The following RANBP17 variants were observed in gnomAD, a reference collection of about 807,000 sequenced individuals.
The protein encoded by RANBP17 is RAN binding protein 17.
A neutral mutation model predicts 141.2 loss-of-function variants in RANBP17; 158 were observed. The ratio of observed to expected loss-of-function variants is 1.12; its 90% confidence interval spans 0.98 to 1.28. The LOEUF (loss-of-function observed/expected upper bound fraction) is 1.28, where lower values mean the gene tolerates loss of function less well. Among genes scored for constraint, RANBP17 ranks in the 50% most tolerant of loss-of-function variants. The pLI, the probability that RANBP17 is intolerant of heterozygous loss-of-function variation, is 0.00. For synonymous variants in RANBP17, 430 were observed against 450.0 expected (o/e 0.96, Z 0.56); for missense variants, 1,438 against 1,290.7 (o/e 1.11, Z -1.75).
In RANBP17 at chr5:171,274,155, CGCGCGCGCGT is replaced by C. The variant is rs925735666; in HGVS notation, c.2943+8313_2943+8322del. 1.2e-3 allele frequency among the ~76,000 whole-genome samples: 175 copies of C among 144,426 alleles called. 2 individuals carry two copies. Among genetic ancestry groups the C allele is most frequent in the South Asian group, 6.4e-3 (28 of 4,394 alleles). 94.7% of individuals were successfully genotyped at this position (144,426 alleles called of 152,430 possible). Reference sequence around the variant, plus strand: ...GTGTGTGTGTGTGTGTGTGTGCGCGCGCGCGCGCGTGCGCAAAATCTAACTACTGAGGATC... The same window carrying C: ...GTGTGTGTGTGTGTGTGTGTGCGCGCGCGCAAAATCTAACTACTGAGGATC... On this transcript the variant is annotated intron_variant, in intron 25 of 27. Transcript: ENST00000523189.
chr5:171,155,094 A>AATATATATATATATATATATAT (rs1554106866), intron 14 of RANBP17, among the ~76,000 whole-genome samples: 1 of 74,964 alleles, frequency 1.3e-5, no homozygotes, highest in African/African-American at 5.2e-5. Flanking sequence ...AAAAAAAAAA[A>AATATATATATATATATATATAT]ATATATATAT....
At chr5:171,095,637 C>T (rs1426390361) in intron 14 of RANBP17, among the ~76,000 whole-genome samples, 1 of 152,040 alleles carries the variant, frequency 6.6e-6, no homozygotes, top group Non-Finnish European at 1.5e-5. Context: ...GCTTTCTGGG[C>T]CTTAGTTTTC....
chr5:170,931,530 T>C (rs557624791), intron 12 of RANBP17, among the ~76,000 whole-genome samples: 1 of 152,342 alleles, frequency 6.6e-6, no homozygotes, highest in South Asian at 2.1e-4. Flanking sequence ...CTAGGGTTTT[T>C]ATGGTTTTAG....
At chr5:170,864,059 A>G (rs13175352) in intron 1 of RANBP17, among the ~76,000 whole-genome samples, 91,433 of 152,096 alleles carry the variant, frequency 0.6, 29,191 homozygotes, top group South Asian at 0.88. Flanking sequence ...GAGTTTTCAT[A>G]TCCTCATTAT....
Position 171,012,222 on chromosome 5 carries a change from A to G in RANBP17, c.1710+43845A>G, listed in dbSNP as rs191985779. ...TTTGCAAAAAGAGCACTTCAGAGCAATGAACTATGGAGCAAAAGGCAAAAT... is the reference window on the plus strand; with the variant it reads ...TTTGCAAAAAGAGCACTTCAGAGCAGTGAACTATGGAGCAAAAGGCAAAAT... On this transcript the variant is annotated intron_variant, in intron 14 of 27. Transcript: ENST00000523189. 1.2e-3 allele frequency among the ~76,000 whole-genome samples: 186 copies of G among 152,176 alleles called. No homozygotes were observed. The Middle Eastern group carries it at 0.014, about 11-fold the overall frequency.
chr5:171,114,617 TTAGA>T (rs1371371251), intron 14 of RANBP17, among the ~76,000 whole-genome samples: 3 of 151,146 alleles, frequency 2.0e-5, no homozygotes, highest in Non-Finnish European at 4.4e-5. Context: ...GTTTTCTTTC[TTAGA>T]TAATGAAAAG....
intron 14 of RANBP17, among the ~76,000 whole-genome samples, chr5:171,001,334 G>A (rs947328995): frequency 4.6e-5 from 7 of 152,248 alleles, no homozygotes; most frequent in East Asian, 3.9e-4. Context: ...CACAAGGTCC[G>A]AATAAAAGAA....
intron 13 of RANBP17, among the ~76,000 whole-genome samples, chr5:170,955,285 A>C (rs1775529496): frequency 1.3e-5 from 2 of 151,828 alleles, no homozygotes; most frequent in African/African-American, 4.8e-5. Context: ...ATAGGTAACA[A>C]ATGTATTATT....
chr5:171,199,708 C>G lies in RANBP17; in HGVS notation c.2077C>G (p.Leu693Val), dbSNP rs549191343. ...EDEFENFMLP[L>V]TVAFETVLQI... The stretch of plus-strand genomic sequence containing the variant: ...TGAATTTGAGAATTTCATGCTGCCT[C>G]TTACAGTTGCTTTTGAAACAGTATT... Residue 693 changes from leucine to valine, a missense_variant, in exon 19 of 28, where the codon CTT becomes GTT. Transcript: ENST00000523189. The G allele has an allele frequency of 1.9e-6, 3 of 1,611,320 alleles. No homozygotes were observed. The highest frequency in any genetic ancestry group is 2.7e-5 in the African/African-American group (2 of 74,954).
At chr5:170,977,778 A>G (rs1777486031) in intron 14 of RANBP17, among the ~76,000 whole-genome samples, 1 of 152,114 alleles carries the variant, frequency 6.6e-6, no homozygotes, top group Non-Finnish European at 1.5e-5. Flanking sequence ...GTGGTTTGAA[A>G]TGTCTGGAAT....
chr5:170,947,704 C>G (rs926870533), intron 12 of RANBP17, among the ~76,000 whole-genome samples: 2 of 152,094 alleles, frequency 1.3e-5, no homozygotes, highest in African/African-American at 4.8e-5. Flanking sequence ...TGCTGGAATG[C>G]TTAGAGTGTA....
At chr5:171,183,033 C>T in intron 16 of RANBP17, 134 bp from the exon 17 acceptor site, 1 of 574,128 alleles carries the variant, frequency 1.7e-6, no homozygotes, top group African/African-American at 1.9e-5. Context: ...AAAGACGTTT[C>T]TATAGGAATG....
chr5:171,156,233 A>G (rs138804202), intron 14 of RANBP17, among the ~76,000 whole-genome samples: 65 of 152,190 alleles, frequency 4.3e-4, no homozygotes, highest in African/African-American at 1.5e-3. Flanking sequence ...CATTCCAGTG[A>G]TCTTACCTTC....
chr5:170,927,991 A>C (rs1042224489), intron 12 of RANBP17, among the ~76,000 whole-genome samples: 1 of 152,026 alleles, frequency 6.6e-6, no homozygotes, highest in South Asian at 2.1e-4. Flanking sequence ...TCCCATTAAC[A>C]TTGTATAAGA....
At chr5:171,245,138 A>G (rs189026666) in intron 24 of RANBP17, among the ~76,000 whole-genome samples, 256 of 152,090 alleles carry the variant, frequency 1.7e-3, no homozygotes, top group African/African-American at 5.8e-3. Context: ...CCAAAAAAAA[A>G]AGATTTTTAA....
At chr5:171,062,525 A>T (rs1581531724) in intron 14 of RANBP17, among the ~76,000 whole-genome samples, 1 of 152,268 alleles carries the variant, frequency 6.6e-6, no homozygotes, top group Admixed American at 6.5e-5. Context: ...CTGCCGAGAG[A>T]TCCGCTGTTA....
In RANBP17 at chr5:171,262,020, G is replaced by A. The variant is rs374088741; in HGVS notation, c.2777-3661G>A. 4.6e-5 allele frequency among the ~76,000 whole-genome samples: 7 copies of A among 152,208 alleles called. No individual in the cohort carries two copies. In the East Asian group the frequency reaches 1.2e-3, roughly 25 times the overall value. On this transcript the variant is annotated intron_variant, in intron 24 of 27. Coordinates refer to ENST00000523189, the MANE Select transcript of RANBP17 (RefSeq NM_022897.5). Reference sequence around the variant, plus strand: ...TGGAAGCTCTTCTTGCTTTTATTGCGAGGATATATGCTCCAATCTTCGTGG... The same window carrying A: ...TGGAAGCTCTTCTTGCTTTTATTGCAAGGATATATGCTCCAATCTTCGTGG...
At chr5:170,955,648 GTATATATATATATATATATATA>G (rs1159344330) in intron 13 of RANBP17, among the ~76,000 whole-genome samples, 1 of 21,762 alleles carries the variant, frequency 4.6e-5, no homozygotes, top group Admixed American at 6.4e-4. Flanking sequence ...TATGCTCAGT[GTATATATATATATATATATATA>G]TATATATATA....
At chr5:171,256,297 A>G (rs1340029971) in intron 24 of RANBP17, among the ~76,000 whole-genome samples, 5 of 152,194 alleles carry the variant, frequency 3.3e-5, no homozygotes, top group African/African-American at 4.8e-5. Flanking sequence ...AGTAATACCT[A>G]CCTTACAGGG....
Sources: gnomAD v4.1 joint callset for allele counts (sites outside exome capture counted in the v4.1 genomes callset) on GRCh38, gnomAD v4.1.1 for gene constraint, MANE v1.5 for transcripts, NCBI Gene and HGNC (gene_info 2026-07-23, HGNC 2026-07-21) for gene names.